The following SPAG16 variants were observed in gnomAD, a reference collection of about 807,000 sequenced individuals.
SPAG16 encodes sperm associated antigen 16, also known as sperm-associated antigen 16 protein.
SPAG16 carries 86 observed loss-of-function variants against 80.4 expected under a neutral mutation model. The observed-to-expected ratio is 1.07, with a 90% CI of 0.90 to 1.28. SPAG16 has a LOEUF of 1.28. Ranked by LOEUF, SPAG16 falls within the 50% of genes most tolerant of loss-of-function variation. SPAG16 has a pLI of 0.00. For synonymous variants in SPAG16, 294 were observed against 265.9 expected, an observed-to-expected ratio of 1.11 and a Z score of -1.03; for missense variants, 870 against 765.3, an observed-to-expected ratio of 1.14 and a Z score of -1.61.
intron 11 of SPAG16, among the ~76,000 whole-genome samples, chr2:213,913,127 G>T (rs1311674895): frequency 1.3e-5 from 2 of 151,960 alleles, no homozygotes; most frequent in African/African-American, 4.8e-5. Context: ...ATTAAGATAT[G>T]TCAGAATGTA....
At chr2:213,784,626 T>TAAA (rs71063777) in intron 10 of SPAG16, among the ~76,000 whole-genome samples, 11 of 47,934 alleles carry the variant, frequency 2.3e-4, no homozygotes, top group African/African-American at 3.5e-4. Flanking sequence ...CAATTATTTC[T>TAAA]AAAAAAAAAA....
At chr2:213,637,945 G>A (rs868048523) in intron 10 of SPAG16, among the ~76,000 whole-genome samples, 1 of 152,084 alleles carries the variant, frequency 6.6e-6, no homozygotes, top group East Asian at 1.9e-4. Context: ...TTTTAGTAGA[G>A]ACGGGGTTTC....
chr2:213,603,893 G>A (rs1257779625), intron 10 of SPAG16, among the ~76,000 whole-genome samples: 4 of 148,444 alleles, frequency 2.7e-5, no homozygotes, highest in East Asian at 1.9e-4. Context: ...TTCTCTTTCC[G>A]TATTATCCAT....
At chr2:213,588,189 G>A (rs2060534742) in intron 10 of SPAG16, among the ~76,000 whole-genome samples, 1 of 151,540 alleles carries the variant, frequency 6.6e-6, no homozygotes, top group Non-Finnish European at 1.5e-5. Context: ...TTTTCTTTAA[G>A]CAATATATTA....
At chr2:214,313,268 A>G (rs1323553912) in intron 15 of SPAG16, among the ~76,000 whole-genome samples, 16 of 152,122 alleles carry the variant, frequency 1.1e-4, no homozygotes, top group Non-Finnish European at 1.6e-4. Context: ...ATTCCAACCA[A>G]TACTACTACT....
At chr2:213,947,370 T>C (rs992991568) in intron 12 of SPAG16, among the ~76,000 whole-genome samples, 1 of 152,158 alleles carries the variant, frequency 6.6e-6, no homozygotes, top group African/African-American at 2.4e-5. Context: ...TATCAGTATT[T>C]CTTATCTTCT....
intron 14 of SPAG16, among the ~76,000 whole-genome samples, chr2:214,123,002 T>G (rs1310317801): frequency 2.0e-5 from 3 of 151,964 alleles, no homozygotes; most frequent in Non-Finnish European, 4.4e-5. Flanking sequence ...AAATATTTTA[T>G]GAAATTAACT....
intron 12 of SPAG16, among the ~76,000 whole-genome samples, chr2:213,971,070 A>G (rs149616970): frequency 1.5e-4 from 23 of 152,338 alleles, no homozygotes; most frequent in African/African-American, 5.5e-4. Context: ...GTAATCAACC[A>G]ATAATGACCC....
intron 9 of SPAG16, among the ~76,000 whole-genome samples, chr2:213,422,829 T>C (rs2069680916): frequency 6.6e-6 from 1 of 152,252 alleles, no homozygotes; most frequent in African/African-American, 2.4e-5. Flanking sequence ...TTGTGTAACC[T>C]GAGAACTAGC....
At chr2:213,468,441 TTA>T (rs1476491606) in intron 9 of SPAG16, among the ~76,000 whole-genome samples, 1 of 138,362 alleles carries the variant, frequency 7.2e-6, no homozygotes, top group Admixed American at 7.3e-5. Flanking sequence ...ATCTATGTAT[TTA>T]TATATAGATA....
At chr2:214,007,976 T>C (rs2047103574) in intron 12 of SPAG16, among the ~76,000 whole-genome samples, 1 of 152,102 alleles carries the variant, frequency 6.6e-6, no homozygotes, top group Non-Finnish European at 1.5e-5. Flanking sequence ...TCCCTCCTTC[T>C]CTTCACCCCT....
chr2:214,208,497 T>A (rs1372684322), intron 15 of SPAG16, among the ~76,000 whole-genome samples: 1 of 152,166 alleles, frequency 6.6e-6, no homozygotes, highest in African/African-American at 2.4e-5. Flanking sequence ...TTTCAAACTA[T>A]TTCAGTTGAA....
At chr2:213,621,952 A>C (rs183673288) in intron 10 of SPAG16, among the ~76,000 whole-genome samples, 1 of 152,184 alleles carries the variant, frequency 6.6e-6, no homozygotes, top group Non-Finnish European at 1.5e-5. Flanking sequence ...CTTCACAATA[A>C]GTCTTAGAAC....
intron 12 of SPAG16, among the ~76,000 whole-genome samples, chr2:213,995,873 A>C (rs2124828159): frequency 6.6e-6 from 1 of 152,338 alleles, no homozygotes; most frequent in Non-Finnish European, 1.5e-5. Flanking sequence ...CAGGCAATGC[A>C]ATAGAATGAT....
intron 10 of SPAG16, among the ~76,000 whole-genome samples, chr2:213,729,843 G>T (rs1475857884): frequency 6.6e-6 from 1 of 152,138 alleles, no homozygotes; most frequent in Non-Finnish European, 1.5e-5. Flanking sequence ...TTAGGCCTTG[G>T]TGAGAACAGA....
intron 10 of SPAG16, among the ~76,000 whole-genome samples, chr2:213,583,926 C>T (rs537879956): frequency 2.0e-5 from 3 of 152,214 alleles, no homozygotes; most frequent in Admixed American, 1.3e-4. Flanking sequence ...TTACGAACAA[C>T]GTGAGTGCAG....
chr2:214,149,351 A>C (rs1309674825), intron 15 of SPAG16, 85 bp downstream of exon 15: 1 of 1,245,036 alleles, frequency 8.0e-7, no homozygotes, highest in Non-Finnish European at 1.0e-6. Flanking sequence ...CCTTAAATGT[A>C]TGTATTTCTA....
intron 13 of SPAG16, among the ~76,000 whole-genome samples, chr2:214,082,862 C>T (rs1559770322): frequency 1.3e-5 from 2 of 152,276 alleles, no homozygotes; most frequent in South Asian, 4.1e-4. Context: ...AGCATTGCCA[C>T]TTTGTTTCTC....
intron 9 of SPAG16, among the ~76,000 whole-genome samples, chr2:213,378,986 G>T (rs1171599847): frequency 1.3e-5 from 2 of 152,206 alleles, no homozygotes; most frequent in African/African-American, 2.4e-5. Context: ...AATCACCCCA[G>T]CCAAGACTGT....
Sources: allele counts gnomAD v4.1 joint callset (sites outside exome capture counted in the v4.1 genomes callset), GRCh38; gene constraint gnomAD v4.1.1; transcripts MANE v1.5; gene names NCBI Gene and HGNC (gene_info 2026-07-23, HGNC 2026-07-21).